The following MAF variants were observed in gnomAD, a reference collection of about 807,000 sequenced individuals.
MAF encodes the protein transcription factor Maf.
MAF carries 10 observed loss-of-function variants against 22.0 expected under a neutral mutation model. The ratio of observed to expected loss-of-function variants is 0.45; its 90% CI spans 0.28 to 0.77. The LOEUF is 0.77. Among genes scored for constraint, MAF ranks in the 30% least tolerant of loss-of-function variants. MAF has a pLI of 0.12. For synonymous variants in MAF, 337 were observed against 255.8 expected (o/e 1.32, Z -3.03); for missense variants, 544 against 548.4 (o/e 0.99, Z 0.08).
At chr16:79,373,414 G>A in the MAF span, among the ~76,000 whole-genome samples, 2 of 103,498 alleles carry the variant, frequency 1.9e-5, no homozygotes, top group Non-Finnish European at 1.8e-5. Context: ...ACACAGTCTC[G>A]CTCTGTCTCC....
At chr16:79,548,473 G>C in the MAF span, among the ~76,000 whole-genome samples, 1 of 152,146 alleles carries the variant, frequency 6.6e-6, no homozygotes, top group African/African-American at 2.4e-5. Context: ...GAAACACATT[G>C]GTTAGTTGGT....
chr16:79,508,175 G>T, the MAF span, among the ~76,000 whole-genome samples: 1 of 152,168 alleles, frequency 6.6e-6, no homozygotes, highest in Non-Finnish European at 1.5e-5. Flanking sequence ...CTGTGCAGGG[G>T]ATAATTCTGC....
the MAF span, among the ~76,000 whole-genome samples, chr16:79,343,797 A>T: frequency 3.9e-5 from 6 of 152,132 alleles, no homozygotes; most frequent in African/African-American, 1.4e-4. Flanking sequence ...AGGTCTGAAA[A>T]TTTCTAAATG....
chr16:79,583,989 T>C (rs1912687212), downstream of MAF, among the ~76,000 whole-genome samples: 1 of 152,128 alleles, frequency 6.6e-6, no homozygotes, highest in South Asian at 2.1e-4. Flanking sequence ...TAATGAAAAA[T>C]GTTAGTCAGG....
At chr16:79,214,060 T>TA in the MAF span, among the ~76,000 whole-genome samples, 2 of 152,186 alleles carry the variant, frequency 1.3e-5, no homozygotes, top group African/African-American at 4.8e-5. Context: ...TGAAATGCTT[T>TA]CCTTCCAGAA....
At chr16:79,598,307 A>C in intron 1 of MAF, 1 of 1,099,614 alleles carries the variant, frequency 9.1e-7, no homozygotes, top group Non-Finnish European at 1.1e-6. Flanking sequence ...ACACACACAG[A>C]AAATGAACAC....
the MAF span, among the ~76,000 whole-genome samples, chr16:79,321,282 C>T: frequency 6.6e-6 from 1 of 152,086 alleles, no homozygotes; most frequent in African/African-American, 2.4e-5. Context: ...TCCATCACAC[C>T]ACAAGGTAGG....
At chr16:79,336,989 G>A in the MAF span, among the ~76,000 whole-genome samples, 4 of 152,168 alleles carry the variant, frequency 2.6e-5, no homozygotes, top group African/African-American at 9.7e-5. Context: ...GGTGTATACT[G>A]CAGACTACTT....
the MAF span, among the ~76,000 whole-genome samples, chr16:79,263,695 G>T: frequency 1.3e-5 from 2 of 151,770 alleles, no homozygotes; most frequent in African/African-American, 4.8e-5. Flanking sequence ...TGGGGGAGGA[G>T]GTTGTCTCCT....
chr16:79,531,053 C>G, the MAF span, among the ~76,000 whole-genome samples: 1 of 152,190 alleles, frequency 6.6e-6, no homozygotes, highest in Non-Finnish European at 1.5e-5. Flanking sequence ...TCCTAAATAT[C>G]CGGCCTTATC....
the MAF span, among the ~76,000 whole-genome samples, chr16:79,439,355 G>T: frequency 6.7e-6 from 1 of 148,162 alleles, no homozygotes; most frequent in African/African-American, 2.5e-5. Flanking sequence ...TCTGCCTCCC[G>T]GGTTCATGCC....
the MAF span, among the ~76,000 whole-genome samples, chr16:79,337,780 A>T: frequency 6.6e-6 from 1 of 152,194 alleles, no homozygotes; most frequent in Non-Finnish European, 1.5e-5. Flanking sequence ...AGAAGATCCT[A>T]TCGGACAGTG....
At chr16:79,370,383 G>C in the MAF span, among the ~76,000 whole-genome samples, 4 of 152,178 alleles carry the variant, frequency 2.6e-5, no homozygotes, top group Non-Finnish European at 4.4e-5. Context: ...TTAATGTGCT[G>C]GGTGGTCCTT....
the MAF span, among the ~76,000 whole-genome samples, chr16:79,274,880 C>T: frequency 6.6e-6 from 1 of 152,146 alleles, no homozygotes; most frequent in African/African-American, 2.4e-5. Flanking sequence ...ACTTTGGCAT[C>T]CAGTTAGGAT....
chr16:79,362,476 C>A, the MAF span, among the ~76,000 whole-genome samples: 1 of 152,130 alleles, frequency 6.6e-6, no homozygotes, highest in Non-Finnish European at 1.5e-5. Context: ...TTTGACTCAG[C>A]CCTCAGTGCA....
At chr16:79,350,753 T>C in the MAF span, among the ~76,000 whole-genome samples, 1 of 152,206 alleles carries the variant, frequency 6.6e-6, no homozygotes. Context: ...CCTGGGAACC[T>C]GTTCAAGCAG....
At chr16:79,397,196 C>T in the MAF span, among the ~76,000 whole-genome samples, 81 of 152,200 alleles carry the variant, frequency 5.3e-4, no homozygotes, top group Admixed American at 9.8e-4. Context: ...TGGTTTGAAT[C>T]CTTTGGCAAT....
At chr16:79,301,740 A>G in the MAF span, among the ~76,000 whole-genome samples, 1 of 152,166 alleles carries the variant, frequency 6.6e-6, no homozygotes, top group Non-Finnish European at 1.5e-5. Flanking sequence ...ATATACATTT[A>G]CACACACACA....
chr16:79,388,693 C>T, the MAF span, among the ~76,000 whole-genome samples: 5 of 152,278 alleles, frequency 3.3e-5, no homozygotes, highest in African/African-American at 1.2e-4. Flanking sequence ...CTGATCTCTA[C>T]AGGACACAAA....
Sources: allele counts gnomAD v4.1 joint callset (sites outside exome capture counted in the v4.1 genomes callset), GRCh38; gene constraint gnomAD v4.1.1; transcripts MANE v1.5; gene names NCBI Gene and HGNC (gene_info 2026-07-23, HGNC 2026-07-21).